ACYP2: variants seen among roughly 807,000 people sequenced by gnomAD.
ACYP2 encodes the protein acylphosphatase 2, also known as acylphosphatase-2.
A neutral mutation model predicts 11.2 loss-of-function variants in ACYP2; 12 were observed. The ratio of observed to expected loss-of-function variants is 1.08; its 90% confidence interval spans 0.69 to 1.74. The LOEUF is 1.74. Among genes scored for constraint, ACYP2 ranks in the 40% most tolerant of loss-of-function variants. The pLI is 0.00. For synonymous variants in ACYP2, 43 were observed against 32.2 expected, an observed-to-expected ratio of 1.33 and a Z score of -1.13; for missense variants, 134 against 101.9, an observed-to-expected ratio of 1.31 and a Z score of -1.35.
At chr2:54,256,174 G>A (rs764569190) in intron 6 of ACYP2, 2 of 1,596,024 alleles carry the variant, frequency 1.3e-6, no homozygotes, top group Admixed American at 3.4e-5. Flanking sequence ...CAGGGCAGCA[G>A]TGGGTAGAGG....
intron 6 of ACYP2, among the ~76,000 whole-genome samples, chr2:54,187,941 C>T (rs1234462459): frequency 6.6e-6 from 1 of 152,154 alleles, no homozygotes; most frequent in Non-Finnish European, 1.5e-5. Flanking sequence ...GTTTCTTTTC[C>T]TCTTCTGCCA....
chr2:54,075,078 G>A (rs936355956), intron 4 of ACYP2, among the ~76,000 whole-genome samples: 2 of 152,200 alleles, frequency 1.3e-5, no homozygotes, highest in East Asian at 3.8e-4. Context: ...TTAGGAAGTG[G>A]CATTGTTGAT....
intron 2 of ACYP2, among the ~76,000 whole-genome samples, chr2:53,978,515 G>A (rs536412253): frequency 5.9e-5 from 9 of 152,136 alleles, no homozygotes; most frequent in Non-Finnish European, 1.3e-4. Context: ...AGTGTGGGTA[G>A]CCTAGCACAA....
At chr2:54,167,181 G>T (rs1409122739) in intron 6 of ACYP2, among the ~76,000 whole-genome samples, 1 of 152,018 alleles carries the variant, frequency 6.6e-6, no homozygotes, top group Non-Finnish European at 1.5e-5. Context: ...TCAGCAGTCT[G>T]CTATATTTAG....
intron 3 of ACYP2, among the ~76,000 whole-genome samples, chr2:54,053,922 G>A (rs924389928): frequency 2.0e-5 from 3 of 152,166 alleles, no homozygotes; most frequent in Non-Finnish European, 4.4e-5. Flanking sequence ...AGGTGTTCTG[G>A]TCTTTCATTA....
At chr2:54,193,711 G>A (rs939836635) in intron 6 of ACYP2, among the ~76,000 whole-genome samples, 1 of 152,064 alleles carries the variant, frequency 6.6e-6, no homozygotes, top group Non-Finnish European at 1.5e-5. Flanking sequence ...TGGGAATGTA[G>A]CCTGGAATGA....
At chr2:54,008,058 C>G (rs920156049) in intron 2 of ACYP2, among the ~76,000 whole-genome samples, 2 of 152,166 alleles carry the variant, frequency 1.3e-5, no homozygotes, top group African/African-American at 4.8e-5. Context: ...TAGAATTTCT[C>G]TTACTGTCGT....
intron 6 of ACYP2, among the ~76,000 whole-genome samples, chr2:54,202,777 G>A (rs1413576413): frequency 8.7e-6 from 1 of 114,816 alleles, no homozygotes; most frequent in East Asian, 2.8e-4. Context: ...TGCCCACGCT[G>A]GCCTTGAACT....
intron 4 of ACYP2, among the ~76,000 whole-genome samples, chr2:54,132,462 CT>C (rs1238484061): frequency 2.6e-5 from 4 of 151,946 alleles, no homozygotes; most frequent in Non-Finnish European, 5.9e-5. Flanking sequence ...TGCTTTGCTG[CT>C]TTTTTTTCCT....
At chr2:54,052,899 G>T (rs1675942850) in intron 3 of ACYP2, among the ~76,000 whole-genome samples, 1 of 152,226 alleles carries the variant, frequency 6.6e-6, no homozygotes, top group South Asian at 2.1e-4. Context: ...GCTTTCCCCA[G>T]AGGGAGAATG....
At chr2:54,257,025 G>A (rs1206547918) in intron 6 of ACYP2, among the ~76,000 whole-genome samples, 1 of 152,060 alleles carries the variant, frequency 6.6e-6, no homozygotes, top group Non-Finnish European at 1.5e-5. Context: ...ATCTTAATAT[G>A]TGCCAATTTG....
chr2:54,209,627 G>A (rs1685240789), intron 6 of ACYP2, among the ~76,000 whole-genome samples: 1 of 152,114 alleles, frequency 6.6e-6, no homozygotes, highest in South Asian at 2.1e-4. Context: ...ACAGGTGTTG[G>A]CACCGTCCTA....
chr2:54,267,532 T>A (rs976668266), intron 6 of ACYP2, among the ~76,000 whole-genome samples: 4 of 152,136 alleles, frequency 2.6e-5, no homozygotes, highest in Non-Finnish European at 5.9e-5. Context: ...ATTGTTGACA[T>A]ATATATAAGC....
At chr2:54,096,440 G>A (rs1196308773) in intron 4 of ACYP2, among the ~76,000 whole-genome samples, 2 of 152,102 alleles carry the variant, frequency 1.3e-5, no homozygotes, top group Non-Finnish European at 2.9e-5. Context: ...TGGCGGCCTG[G>A]CAGAGGCTGT....
intron 6 of ACYP2, chr2:54,142,576 A>G (rs1329932613): frequency 1.3e-5 from 2 of 152,132 alleles, no homozygotes; most frequent in Non-Finnish European, 2.9e-5. Flanking sequence ...TACAAAAACT[A>G]GCTGGGGTTG....
intron 4 of ACYP2, among the ~76,000 whole-genome samples, chr2:54,119,909 C>G (rs113470216): frequency 6.6e-6 from 1 of 152,118 alleles, no homozygotes; most frequent in South Asian, 2.1e-4. Context: ...TTGTCGATGA[C>G]GTTGGCAGTT....
At chr2:54,215,643 A>G (rs1235716688) in intron 6 of ACYP2, among the ~76,000 whole-genome samples, 1 of 152,150 alleles carries the variant, frequency 6.6e-6, no homozygotes, top group Non-Finnish European at 1.5e-5. Flanking sequence ...TTCACAATAA[A>G]TTGTGTAAAT....
intron 2 of ACYP2, among the ~76,000 whole-genome samples, chr2:54,015,238 T>A (rs1028121847): frequency 6.6e-6 from 1 of 151,248 alleles, no homozygotes; most frequent in Admixed American, 6.6e-5. Flanking sequence ...CAGGCGGGTG[T>A]GGTGGCTCAC....
chr2:54,229,055 G>A (rs1304790365), intron 6 of ACYP2, among the ~76,000 whole-genome samples: 2 of 152,144 alleles, frequency 1.3e-5, no homozygotes, highest in African/African-American at 4.8e-5. Context: ...TAATGTAATA[G>A]ATTCAGCTCA....
Sources: gnomAD v4.1 joint callset for allele counts (sites outside exome capture counted in the v4.1 genomes callset) on GRCh38, gnomAD v4.1.1 for gene constraint, MANE v1.5 for transcripts, NCBI Gene and HGNC (gene_info 2026-07-23, HGNC 2026-07-21) for gene names.